WASF2: variants seen among roughly 807,000 people sequenced by gnomAD.
WASF2 encodes the protein WASP family member 2.
A neutral mutation model predicts 45.0 loss-of-function variants in WASF2; 14 were observed. The observed-to-expected ratio is 0.31, with a 90% CI of 0.21 to 0.49. The LOEUF (loss-of-function observed/expected upper bound fraction) is 0.49, where lower values mean the gene tolerates loss of function less well. Among genes scored for constraint, WASF2 ranks in the 20% least tolerant of loss-of-function variants. The probability of loss-of-function intolerance (pLI) is 0.99; values close to 1 mark genes in which losing one functional copy is unlikely to be tolerated. For synonymous variants in WASF2, 200 were observed against 236.3 expected (o/e 0.85, Z 1.41); for missense variants, 439 against 636.1 (o/e 0.69, Z 3.33).
chr1:27,487,430 T>A (rs60757397), intron 1 of WASF2, among the ~76,000 whole-genome samples: 1 of 127,776 alleles, frequency 7.8e-6, no homozygotes, highest in African/African-American at 3.0e-5. Context: ...ATATATATAT[T>A]TAATATATAT....
chr1:27,450,139 G>A (rs897401431), intron 1 of WASF2, among the ~76,000 whole-genome samples: 1 of 150,660 alleles, frequency 6.6e-6, no homozygotes, highest in South Asian at 2.1e-4. Context: ...GCAAGACTCC[G>A]TCTCAAAAAA....
intron 1 of WASF2, among the ~76,000 whole-genome samples, chr1:27,481,205 G>A (rs1238527541): frequency 2.0e-5 from 3 of 151,520 alleles, no homozygotes; most frequent in Non-Finnish European, 2.9e-5. Context: ...TCAGGAGGCT[G>A]AGGCAGGAGA....
At chr1:27,474,264 T>C (rs2017734473) in intron 1 of WASF2, among the ~76,000 whole-genome samples, 1 of 151,678 alleles carries the variant, frequency 6.6e-6, no homozygotes, top group South Asian at 2.1e-4. Flanking sequence ...ATTTTTTCAT[T>C]AAAAAGTTTT....
chr1:27,474,425 C>T (rs2017737330), intron 1 of WASF2, among the ~76,000 whole-genome samples: 1 of 151,770 alleles, frequency 6.6e-6, no homozygotes, highest in Non-Finnish European at 1.5e-5. Context: ...CACTTGAGCC[C>T]AGGAGTTCAA....
intron 1 of WASF2, among the ~76,000 whole-genome samples, chr1:27,454,183 A>ATTTTTT (rs2017433113): frequency 2.4e-4 from 2 of 8,480 alleles, no homozygotes; most frequent in African/African-American, 6.0e-4. Context: ...ATATATATAT[A>ATTTTTT]TATATTTTTT....
rs1039927787 is a variant in WASF2, at chr1:27,486,373, G to C, written c.-44+3613C>G. On this transcript the variant is annotated intron_variant, in intron 1 of 8. Coordinates refer to ENST00000618852, the MANE Select transcript of WASF2 (RefSeq NM_006990.5). ...CAAGGATTTTGAATAAGGTACTGTG[G>C]ACCGGTATACTAATTAAGACTAATT... Among the ~76,000 whole-genome samples the C allele has an allele frequency of 2.6e-5, 4 of 152,068 alleles. No individual in the cohort carries two copies. In the East Asian group the frequency reaches 7.7e-4, roughly 29 times the overall value.
intron 1 of WASF2, among the ~76,000 whole-genome samples, chr1:27,461,386 C>T (rs1434928055): frequency 6.7e-6 from 1 of 150,306 alleles, no homozygotes. Context: ...GTCGCCCAGG[C>T]TGGAGTGCAG....
intron 1 of WASF2, among the ~76,000 whole-genome samples, chr1:27,466,647 G>A (rs144844567): frequency 2.5e-3 from 379 of 152,222 alleles, no homozygotes; most frequent in African/African-American, 7.7e-3. Context: ...GTGAGAGGAT[G>A]GCTTGAGGCC....
At chr1:27,488,190 A>T (rs1027785433) in intron 1 of WASF2, among the ~76,000 whole-genome samples, 12 of 152,186 alleles carry the variant, frequency 7.9e-5, no homozygotes, top group African/African-American at 2.6e-4. Context: ...TCCACTACTG[A>T]CATATGAGAA....
chr1:27,422,173 A>C (rs1380226682), intron 2 of WASF2, among the ~76,000 whole-genome samples: 1 of 152,070 alleles, frequency 6.6e-6, no homozygotes, highest in Non-Finnish European at 1.5e-5. Flanking sequence ...AAAAAATCTT[A>C]CACAGAACCT....
chr1:27,427,570 T>A (rs1010857573), intron 2 of WASF2, among the ~76,000 whole-genome samples: 2 of 152,206 alleles, frequency 1.3e-5, no homozygotes, highest in Non-Finnish European at 1.5e-5. Context: ...GTTTCATTTC[T>A]TCATGATGCC....
At chr1:27,465,911 A>C (rs545955425) in intron 1 of WASF2, among the ~76,000 whole-genome samples, 2 of 152,338 alleles carry the variant, frequency 1.3e-5, no homozygotes, top group African/African-American at 4.8e-5. Context: ...AGACTGCTGA[A>C]ATTATGTCAA....
intron 1 of WASF2, among the ~76,000 whole-genome samples, chr1:27,487,618 AT>A (rs2017957278): frequency 1.0e-5 from 1 of 98,382 alleles, no homozygotes; most frequent in African/African-American, 4.3e-5. Flanking sequence ...TATATTATAT[AT>A]ATTTTATACA....
chr1:27,408,852 A>C (rs1298681236), intron 8 of WASF2, among the ~76,000 whole-genome samples: 2 of 152,012 alleles, frequency 1.3e-5, no homozygotes, highest in African/African-American at 4.8e-5. Context: ...GAAGAGGAGA[A>C]AAGAGGAGAT....
chr1:27,465,270 G>A (rs2017598867), intron 1 of WASF2, among the ~76,000 whole-genome samples: 4 of 152,180 alleles, frequency 2.6e-5, no homozygotes, highest in South Asian at 4.1e-4. Flanking sequence ...TAAGAAAACA[G>A]TGTAAATAAG....
At chr1:27,486,015 C>G (rs567286161) in intron 1 of WASF2, among the ~76,000 whole-genome samples, 1 of 152,034 alleles carries the variant, frequency 6.6e-6, no homozygotes, top group East Asian at 1.9e-4. Context: ...TGGCCTATCA[C>G]GTAAGTTTTA....
At chr1:27,416,336 T>C (rs980311172) in intron 4 of WASF2, among the ~76,000 whole-genome samples, 2 of 152,232 alleles carry the variant, frequency 1.3e-5, no homozygotes, top group African/African-American at 4.8e-5. Context: ...GGTAGATGAA[T>C]TTGCATTGTC....
intron 1 of WASF2, among the ~76,000 whole-genome samples, chr1:27,452,870 A>C (rs1426189412): frequency 6.6e-6 from 1 of 151,060 alleles, no homozygotes; most frequent in African/African-American, 2.4e-5. Flanking sequence ...GTAAACTCTA[A>C]AGACTCATGA....
intron 1 of WASF2, among the ~76,000 whole-genome samples, chr1:27,489,782 G>A (rs2018004351): frequency 6.6e-6 from 1 of 152,154 alleles, no homozygotes; most frequent in Admixed American, 6.5e-5. Context: ...GTTTCCGAAG[G>A]GGACTTCGGG....
Sources: gnomAD v4.1 joint callset for allele counts (sites outside exome capture counted in the v4.1 genomes callset) on GRCh38, gnomAD v4.1.1 for gene constraint, MANE v1.5 for transcripts, NCBI Gene and HGNC (gene_info 2026-07-23, HGNC 2026-07-21) for gene names.